SLC35D4: variants seen among roughly 807,000 people sequenced by gnomAD.
SLC35D4 encodes solute carrier family 35 member D4, also known as UDP-N-acetylglucosamine transporter SLC35D4.
the SLC35D4 span, among the ~76,000 whole-genome samples, chr18:23,371,088 T>C: frequency 2.3e-5 from 3 of 128,912 alleles, no homozygotes; most frequent in African/African-American, 5.2e-5. Flanking sequence ...CCTCTCTCCC[T>C]CTCTCTCTCT....
the SLC35D4 span, among the ~76,000 whole-genome samples, chr18:23,383,750 G>A: frequency 6.6e-6 from 1 of 152,048 alleles, no homozygotes; most frequent in Non-Finnish European, 1.5e-5. Flanking sequence ...ATGGGAAGGA[G>A]AGCCCATCCT....
At chr18:23,360,738 T>C in the SLC35D4 span, among the ~76,000 whole-genome samples, 2 of 152,146 alleles carry the variant, frequency 1.3e-5, no homozygotes, top group African/African-American at 4.8e-5. Context: ...ACATGTATAT[T>C]TCATATATGT....
At chr18:23,407,974 A>T in the SLC35D4 span, among the ~76,000 whole-genome samples, 2 of 152,188 alleles carry the variant, frequency 1.3e-5, no homozygotes, top group African/African-American at 4.8e-5. Flanking sequence ...CTGGTCAGCA[A>T]ATATGCCAAG....
chr18:23,390,527 T>C, the SLC35D4 span, among the ~76,000 whole-genome samples: 5 of 152,258 alleles, frequency 3.3e-5, no homozygotes, highest in South Asian at 2.1e-4. Flanking sequence ...CCATGCACCG[T>C]TGAAATTTTT....
At chr18:23,377,006 A>T in the SLC35D4 span, 2 of 454,984 alleles carry the variant, frequency 4.4e-6, no homozygotes, top group African/African-American at 4.0e-5. Flanking sequence ...CTGCAGTAGA[A>T]ATCCTAAATC....
the SLC35D4 span, among the ~76,000 whole-genome samples, chr18:23,401,723 G>T: frequency 6.6e-6 from 1 of 152,142 alleles, no homozygotes; most frequent in African/African-American, 2.4e-5. Flanking sequence ...GGAATGTAAG[G>T]TCAGCGAGGC....
the SLC35D4 span, among the ~76,000 whole-genome samples, chr18:23,413,561 A>G: frequency 1.3e-3 from 201 of 152,262 alleles, no homozygotes; most frequent in Non-Finnish European, 2.4e-3. Context: ...CCAAGGCTAG[A>G]TGTGTCGCTG....
the SLC35D4 span, chr18:23,377,513 A>G: frequency 2.6e-6 from 2 of 770,650 alleles, no homozygotes; most frequent in African/African-American, 3.7e-5. Context: ...GACACAAATT[A>G]GGGATATATG....
At chr18:23,282,107 C>T in the SLC35D4 span, among the ~76,000 whole-genome samples, 2 of 152,224 alleles carry the variant, frequency 1.3e-5, no homozygotes, top group Admixed American at 1.3e-4. Flanking sequence ...CTCCTGAAAT[C>T]CCAAGGGCCT....
the SLC35D4 span, among the ~76,000 whole-genome samples, chr18:23,250,924 G>C: frequency 6.6e-6 from 1 of 152,190 alleles, no homozygotes; most frequent in Non-Finnish European, 1.5e-5. Context: ...TCACTTGAAC[G>C]GGGATGTGCT....
At chr18:23,300,349 T>C in the SLC35D4 span, among the ~76,000 whole-genome samples, 1 of 152,112 alleles carries the variant, frequency 6.6e-6, no homozygotes, top group Non-Finnish European at 1.5e-5. Flanking sequence ...GCACGGAGCT[T>C]TGGGTTTGGG....
chr18:23,267,180 T>C, the SLC35D4 span, among the ~76,000 whole-genome samples: 4 of 152,192 alleles, frequency 2.6e-5, no homozygotes, highest in Non-Finnish European at 5.9e-5. Flanking sequence ...CGGGGGCAGT[T>C]TTGTGAGACG....
chr18:23,269,201 T>A, the SLC35D4 span, among the ~76,000 whole-genome samples: 1 of 152,270 alleles, frequency 6.6e-6, no homozygotes, highest in South Asian at 2.1e-4. Flanking sequence ...ATAATCCCCA[T>A]GTGACATGGG....
chr18:23,292,493 T>A, the SLC35D4 span, among the ~76,000 whole-genome samples: 1 of 152,192 alleles, frequency 6.6e-6, no homozygotes, highest in Non-Finnish European at 1.5e-5. Context: ...CCACAGACCC[T>A]GCCCGGTGGC....
At chr18:23,262,098 T>C in the SLC35D4 span, among the ~76,000 whole-genome samples, 1 of 152,176 alleles carries the variant, frequency 6.6e-6, no homozygotes, top group Non-Finnish European at 1.5e-5. Flanking sequence ...CATAAAACTG[T>C]CTAGGAAAGA....
At chr18:23,358,860 C>G in the SLC35D4 span, among the ~76,000 whole-genome samples, 5 of 152,196 alleles carry the variant, frequency 3.3e-5, no homozygotes, top group African/African-American at 1.2e-4. Context: ...CGATGCCTTC[C>G]ACCTGGCTTC....
At chr18:23,369,286 T>G in the SLC35D4 span, among the ~76,000 whole-genome samples, 1 of 152,198 alleles carries the variant, frequency 6.6e-6, no homozygotes, top group Non-Finnish European at 1.5e-5. Flanking sequence ...TGACCTTCTC[T>G]CAGGAGTCAT....
the SLC35D4 span, among the ~76,000 whole-genome samples, chr18:23,381,077 G>T: frequency 6.6e-6 from 1 of 152,314 alleles, no homozygotes; most frequent in South Asian, 2.1e-4. Context: ...CATCAGAAAT[G>T]TAAGTCTCAT....
chr18:23,286,853 T>C, the SLC35D4 span, among the ~76,000 whole-genome samples: 3 of 152,260 alleles, frequency 2.0e-5, no homozygotes, highest in East Asian at 5.8e-4. Flanking sequence ...CTTCCCTGAC[T>C]ATTCCTGGAT....
Sources: allele counts gnomAD v4.1 joint callset (sites outside exome capture counted in the v4.1 genomes callset), GRCh38; gene constraint gnomAD v4.1.1; transcripts MANE v1.5; gene names NCBI Gene and HGNC (gene_info 2026-07-23, HGNC 2026-07-21).